The following ZNF175 variants were observed in gnomAD, a reference collection of about 807,000 sequenced individuals.
ZNF175 encodes the protein zinc finger protein 175, also known as zinc finger protein OTK18.
In ZNF175, 8 loss-of-function variants were observed where a neutral mutation model predicts 14.0. The observed-to-expected ratio is 0.57, with a 90% CI of 0.34 to 1.03. ZNF175 has a LOEUF of 1.03. Among genes scored for constraint, ZNF175 ranks in the 50% least tolerant of loss-of-function variants. The pLI is 0.03. For synonymous variants in ZNF175, 255 were observed against 296.8 expected, an observed-to-expected ratio of 0.86 and a Z score of 1.45; for missense variants, 764 against 849.5, an observed-to-expected ratio of 0.90 and a Z score of 1.25.
intron 4 of ZNF175, among the ~76,000 whole-genome samples, chr19:51,582,257 C>A (rs889422812): frequency 3.3e-5 from 5 of 152,148 alleles, no homozygotes; most frequent in African/African-American, 4.8e-5. Context: ...GAATTTATAG[C>A]CCTACTGATA....
rs1320001991 is a variant in ZNF175, at chr19:51,589,257, T to C, written c.*790T>C. ...ATATGTATATGGTCTGGTCAGCATATGTGTATGTATGCGTATGTATGTATG... is the reference window on the plus strand; with the variant it reads ...ATATGTATATGGTCTGGTCAGCATACGTGTATGTATGCGTATGTATGTATG... On this transcript the variant is annotated 3_prime_UTR_variant, in exon 5 of 5. Transcript: ENST00000262259. The C allele has an allele frequency of 2.5e-6, 1 of 403,266 alleles. No individual in the cohort carries two copies. The highest frequency in any genetic ancestry group is 4.5e-5 in the East Asian group (1 of 22,442). The allele number at this position is 403,266 out of a possible 1,614,324, so 25.0% of individuals were successfully genotyped here.
intron 2 of ZNF175, among the ~76,000 whole-genome samples, chr19:51,575,264 T>C (rs1981739377): frequency 7.0e-6 from 1 of 143,286 alleles, no homozygotes; most frequent in Non-Finnish European, 1.5e-5. Flanking sequence ...AAGCGCAGGC[T>C]GGAGTGCAGT....
At chr19:51,575,102 C>CT (rs957177083) in intron 2 of ZNF175, among the ~76,000 whole-genome samples, 3 of 149,356 alleles carry the variant, frequency 2.0e-5, no homozygotes, top group Admixed American at 1.3e-4. Context: ...TACAAACAGG[C>CT]TTTTTTTTCA....
At chr19:51,573,919 TA>T (rs1981684434) in intron 2 of ZNF175, 1 of 157,570 alleles carries the variant, frequency 6.3e-6, no homozygotes, top group African/African-American at 2.4e-5. Flanking sequence ...TTTTCCTGTT[TA>T]AAAAGGTGAA....
chr19:51,580,992 G>C (rs1368022326), intron 2 of ZNF175, among the ~76,000 whole-genome samples: 1 of 152,072 alleles, frequency 6.6e-6, no homozygotes, highest in African/African-American at 2.4e-5. Flanking sequence ...TTGAGCTTTT[G>C]TATTTACATG....
chr19:51,581,324 C>G lies in ZNF175; in HGVS notation c.73-67C>G. 3 of 1,611,792 alleles carry G rather than the reference C, an allele frequency of 1.9e-6. No individual in the cohort carries two copies. The South Asian group carries it at 3.3e-5, about 18-fold the overall frequency. On this transcript the variant is annotated intron_variant, in intron 2 of 4. Coordinates refer to ENST00000262259, the MANE Select transcript of ZNF175 (RefSeq NM_007147.4). ...GAAAATCATTAAAAGCATGTTCCTC[C>G]TATATGTGCCATCCCCACTCGCCAA... is the stretch of plus-strand genomic sequence containing the variant.
chr19:51,572,532 A>C (rs1981629608), intron 1 of ZNF175, among the ~76,000 whole-genome samples: 1 of 152,190 alleles, frequency 6.6e-6, no homozygotes, highest in African/African-American at 2.4e-5. Flanking sequence ...TACACCAGAC[A>C]GAGCCACCTC....
Position 51,590,908 on chromosome 19 carries a change from G to A in ZNF175, c.*2441G>A, listed in dbSNP as rs1401084759. On this transcript the variant is annotated 3_prime_UTR_variant, in exon 5 of 5. Transcript: ENST00000262259. ...GGTGGCAGGGCCCTAGGACAAGTGT[G>A]TTAAAAACTTGAGCCCACAGTGTAG... The A allele has an allele frequency of 2.0e-5, 3 of 152,200 alleles. No individual in the cohort carries two copies. Among genetic ancestry groups the A allele is most frequent in the Non-Finnish European group, 4.4e-5 (3 of 68,080 alleles). The allele number at this position is 152,200 out of a possible 1,614,324, so 9.4% of individuals were successfully genotyped here.
intron 2 of ZNF175, among the ~76,000 whole-genome samples, chr19:51,574,949 C>G (rs1049008678): frequency 1.3e-5 from 2 of 152,036 alleles, no homozygotes; most frequent in African/African-American, 4.8e-5. Flanking sequence ...CAGAGTATAT[C>G]CCAGTACCAT....
At chr19:51,582,524 C>G (rs1003145427) in intron 4 of ZNF175, among the ~76,000 whole-genome samples, 1 of 152,184 alleles carries the variant, frequency 6.6e-6, no homozygotes, top group Non-Finnish European at 1.5e-5. Flanking sequence ...GTCTCGATCT[C>G]CTGACCTTGT....
At position 51,591,923 on chromosome 19, in the gene ZNF175, C is replaced by T. The variant is rs1274269377; in HGVS notation, c.*3456C>T. The T allele has an allele frequency of 6.6e-6, 1 of 151,824 alleles. No individual in the cohort carries two copies. The highest frequency in any genetic ancestry group is 1.5e-5 in the Non-Finnish European group (1 of 67,908). 9.4% of individuals were successfully genotyped at this position (151,824 alleles called of 1,614,324 possible). ...AGCTGGGACTACAGGCGCCCACCAC[C>T]ATGCCTGGCTAATTTTTTGTATTTT... On this transcript the variant is annotated 3_prime_UTR_variant, in exon 5 of 5. Transcript: ENST00000262259.
At chr19:51,577,899 G>A (rs550064255) in intron 2 of ZNF175, among the ~76,000 whole-genome samples, 86 of 151,204 alleles carry the variant, frequency 5.7e-4, no homozygotes, top group Middle Eastern at 6.8e-3. Context: ...TCCTGACCTC[G>A]TGATCCGCCC....
At chr19:51,582,499 C>G (rs1271305839) in intron 4 of ZNF175, among the ~76,000 whole-genome samples, 2 of 151,972 alleles carry the variant, frequency 1.3e-5, no homozygotes. Flanking sequence ...GGGTTTCACC[C>G]TGTTAGCCAG....
At chr19:51,575,355 T>C (rs1981745172) in intron 2 of ZNF175, among the ~76,000 whole-genome samples, 1 of 151,690 alleles carries the variant, frequency 6.6e-6, no homozygotes, top group Non-Finnish European at 1.5e-5. Flanking sequence ...TAGCTGGGAG[T>C]ACAGGCGCCT....
In ZNF175 at chr19:51,589,187, C is replaced by A. The variant is rs547191845; in HGVS notation, c.*720C>A. The A allele has an allele frequency of 2.8e-5, 6 of 213,050 alleles. No individual in the cohort carries two copies. The highest frequency in any genetic ancestry group is 5.5e-5 in the Non-Finnish European group (6 of 109,318). 13.2% of individuals were successfully genotyped at this position (213,050 alleles called of 1,614,324 possible). On this transcript the variant is annotated 3_prime_UTR_variant, in exon 5 of 5. Transcript: ENST00000262259. Reference sequence around the variant, plus strand: ...ATTAGGAATACCCAACCTGTATGTACGTATATTTCTGTATCTATGTATGTA... The same window carrying A: ...ATTAGGAATACCCAACCTGTATGTAAGTATATTTCTGTATCTATGTATGTA...
Position 51,589,677 on chromosome 19 carries a change from A to G in ZNF175, c.*1210A>G, listed in dbSNP as rs1982294961. On this transcript the variant is annotated 3_prime_UTR_variant, in exon 5 of 5. Coordinates refer to ENST00000262259, the MANE Select transcript of ZNF175 (RefSeq NM_007147.4). ...AACAAACTGTGGCCATTGGCCAAAT[A>G]TGGCCTCCCAACTGTTTTTTTAAAA... is the stretch of plus-strand genomic sequence containing the variant. 1.5e-6 allele frequency: 1 copy of G among 672,520 alleles called. No homozygotes were observed. Among genetic ancestry groups the G allele is most frequent in the Non-Finnish European group, 2.7e-6 (1 of 372,514 alleles). The allele number at this position is 672,520 out of a possible 1,614,324, so 41.7% of individuals were successfully genotyped here.
chr19:51,577,868 T>C (rs969683717), intron 2 of ZNF175, among the ~76,000 whole-genome samples: 15 of 151,352 alleles, frequency 9.9e-5, no homozygotes, highest in Admixed American at 3.9e-4. Context: ...TTTCACCGTG[T>C]TAGCCAGGAT....
Position 51,589,025 on chromosome 19 carries a change from T to TA in ZNF175, c.*559dup, listed in dbSNP as rs1982269804. The TA allele has an allele frequency of 7.2e-6, 2 of 276,710 alleles. No individual in the cohort carries two copies. The highest frequency in any genetic ancestry group is 2.2e-5 in the African/African-American group (1 of 46,002). The allele number at this position is 276,710 out of a possible 1,614,324, so 17.1% of individuals were successfully genotyped here. A position where few individuals can be genotyped will look rare whatever the true frequency, so the allele number is the denominator to read the frequency against. Reference sequence around the variant, plus strand: ...AGAAGCATTTTGGATTTCAGATACTTACAGATTTTGGAATATTTGCATTAT... The same window carrying TA: ...AGAAGCATTTTGGATTTCAGATACTTAACAGATTTTGGAATATTTGCATTAT... On this transcript the variant is annotated 3_prime_UTR_variant, in exon 5 of 5. Transcript: ENST00000262259.
intron 4 of ZNF175, among the ~76,000 whole-genome samples, chr19:51,582,422 C>G (rs933934550): frequency 6.6e-6 from 1 of 152,026 alleles, no homozygotes; most frequent in Non-Finnish European, 1.5e-5. Context: ...CTCAGCCTCC[C>G]GAGTAGCTGG....
Sources: allele counts gnomAD v4.1 joint callset (sites outside exome capture counted in the v4.1 genomes callset), GRCh38; gene constraint gnomAD v4.1.1; transcripts MANE v1.5; gene names NCBI Gene and HGNC (gene_info 2026-07-23, HGNC 2026-07-21).